DNHD1: variants seen among roughly 807,000 people sequenced by gnomAD.
The protein encoded by DNHD1 is dynein heavy chain domain 1.
A neutral mutation model predicts 458.1 loss-of-function variants in DNHD1; 383 were observed. The observed-to-expected ratio is 0.84, with a 90% CI of 0.77 to 0.91. The LOEUF (loss-of-function observed/expected upper bound fraction) is 0.91. Among genes scored for constraint, DNHD1 ranks in the 40% least tolerant of loss-of-function variants. The probability of loss-of-function intolerance (pLI) is 0.00; values close to 1 mark genes in which losing one functional copy is unlikely to be tolerated. For synonymous variants in DNHD1, 2,203 were observed against 2,376.9 expected, an observed-to-expected ratio of 0.93 and a Z score of 2.13; for missense variants, 5,336 against 5,866.1, an observed-to-expected ratio of 0.91 and a Z score of 2.95.
intron 7 of DNHD1, among the ~76,000 whole-genome samples, chr11:6,516,563 G>A (rs1296973914): frequency 1.3e-5 from 2 of 151,896 alleles, no homozygotes; most frequent in Non-Finnish European, 2.9e-5. Context: ...CTCCCAAAGT[G>A]CTGGGATTAC....
Position 6,563,988 on chromosome 11 carries a change from AGATGGT to A in DNHD1, c.10150_10155del (p.Met3384_Val3385del). On this transcript the variant is annotated inframe_deletion, in exon 31 of 43. Transcript: ENST00000254579. The stretch of plus-strand genomic sequence containing the variant: ...CTGGAGCATAATTTGGCCCTGGCTA[AGATGGT>A]GGAGGATGCCCAAGCTTCCCACAAC... The A allele has an allele frequency of 6.4e-7, 1 of 1,551,772 alleles. No homozygotes were observed.
In DNHD1 at chr11:6,557,893, T is replaced by C. The variant is rs1175026207; in HGVS notation, c.8598T>C (p.His2866=). The change falls in exon 25 of 43, where the codon CAT becomes CAC. Residue 2866 remains histidine (H), a synonymous_variant. Coordinates refer to ENST00000254579, the MANE Select transcript of DNHD1 (RefSeq NM_144666.3). ...TGAGCCCCCACCTGGCCCGGTGTCA[T>C]TCCATGGCCCAGCACGTGGCCCGCC... ...LKLSPHLARC[H]SMAQHVARLV... The C allele has an allele frequency of 1.2e-5, 18 of 1,550,998 alleles. No individual in the cohort carries two copies. The highest frequency in any genetic ancestry group is 2.0e-5 in the Admixed American group (1 of 50,980).
At position 6,529,141 on chromosome 11, in the gene DNHD1, C is replaced by T. The variant is rs1193782586; in HGVS notation, c.2347+20C>T. On this transcript the variant is annotated intron_variant, in intron 12 of 42. Transcript: ENST00000254579. The stretch of plus-strand genomic sequence containing the variant: ...AGATGGGTGAGTACTGCTTCTCTTC[C>T]CTCTCCTCCTTCCCTTTTCTGTATG... 1 of 1,548,978 alleles carries T rather than the reference C, an allele frequency of 6.5e-7. No homozygotes were observed. Among genetic ancestry groups the T allele is most frequent in the South Asian group, 1.2e-5 (1 of 83,936 alleles).
chr11:6,548,873 C>T lies in DNHD1; in HGVS notation c.7327C>T (p.His2443Tyr). 6.4e-7 allele frequency: 1 copy of T among 1,551,726 alleles called. No homozygotes were observed. Among genetic ancestry groups the T allele is most frequent in the Non-Finnish European group, 8.7e-7 (1 of 1,147,002 alleles). ...ACAAGCCAGCCCACAGCCTGGGCAT[C>T]ACCAGGATTCTAAACCCTCCCTCCT... Reference protein sequence around the residue: ...QTQASPQPGHHQDSKPSLLFL... With the variant: ...QTQASPQPGHYQDSKPSLLFL... Residue 2443 changes from histidine to tyrosine, a missense_variant, in exon 24 of 43, where the codon CAC becomes TAC. This residue lies in a region of DNHD1 where 3,932 missense variants were observed against 4,365.6 expected (regional missense o/e 0.90). Coordinates refer to ENST00000254579, the MANE Select transcript of DNHD1 (RefSeq NM_144666.3). This position sits in a 1 kb window ranked among gnomAD's most constrained non-coding sequence, Gnocchi z 4.4.
At chr11:6,566,201 C>T in intron 33 of DNHD1, 40 bp from the exon 34 acceptor site, 2 of 1,545,314 alleles carry the variant, frequency 1.3e-6, no homozygotes, top group Non-Finnish European at 1.7e-6. Context: ...ATCATGGGTG[C>T]TGGCATTGTG....
At chr11:6,544,722 G>A in intron 20 of DNHD1, 51 bp downstream of exon 20, 1 of 1,543,046 alleles carries the variant, frequency 6.5e-7, no homozygotes, top group South Asian at 1.2e-5. Flanking sequence ...CTGAATAGCA[G>A]GGCTCAGCGT....
chr11:6,519,628 A>G lies in DNHD1; in HGVS notation c.1421A>G (p.Gln474Arg), dbSNP rs563994391. 7 of 1,614,192 alleles carry G rather than the reference A, an allele frequency of 4.3e-6. No homozygotes were observed. The African/African-American group carries it at 9.3e-5, about 22-fold the overall frequency. The change falls in exon 8 of 43, where the codon CAG becomes CGG. Residue 474 changes from glutamine (Q) to arginine (R), a missense_variant. By Grantham distance (43) the Gln-to-Arg change is conservative (BLOSUM62 1). Around this residue, in one of 4 missense-constraint regions of DNHD1, gnomAD observed 3,932 missense variants for 4,365.6 expected, o/e 0.90. Transcript: ENST00000254579. ...CACGAGGACACATACCACATGCAAC[A>G]GTGCCTACAGGAGCGAGTACAAAAC... Reference protein sequence around the residue: ...LVHEDTYHMQQCLQERVQNCD... With the variant: ...LVHEDTYHMQRCLQERVQNCD...
Position 6,546,407 on chromosome 11 carries a change from G to C in DNHD1, c.5468G>C (p.Arg1823Pro), listed in dbSNP as rs762942301. The C allele has an allele frequency of 5.2e-6, 8 of 1,551,900 alleles. No individual in the cohort carries two copies. Among genetic ancestry groups the C allele is most frequent in the Non-Finnish European group, 7.0e-6 (8 of 1,147,084 alleles). ...CCTGCCAACCTGCACCTGCTGCTGCGGCCTGTGGCATTGGCATTGCCTGAT... is the reference window on the plus strand; with the variant it reads ...CCTGCCAACCTGCACCTGCTGCTGCCGCCTGTGGCATTGGCATTGCCTGAT... Reference protein sequence around the residue: ...AVPANLHLLLRPVALALPDLR... With the variant: ...AVPANLHLLLPPVALALPDLR... The change falls in exon 21 of 43, where the codon CGG becomes CCG. Residue 1823 changes from arginine to proline, a missense_variant. Around this residue, in one of 4 missense-constraint regions of DNHD1, gnomAD observed 3,932 missense variants for 4,365.6 expected, o/e 0.90. Coordinates refer to ENST00000254579, the MANE Select transcript of DNHD1 (RefSeq NM_144666.3).
chr11:6,523,009 T>C (rs935195870), intron 10 of DNHD1, among the ~76,000 whole-genome samples: 1 of 152,240 alleles, frequency 6.6e-6, no homozygotes, highest in African/African-American at 2.4e-5. Flanking sequence ...TCGGAAGTTT[T>C]CTGCAGTTCA....
chr11:6,570,503 A>G, intron 41 of DNHD1, 107 bp downstream of exon 41: 1 of 1,480,452 alleles, frequency 6.8e-7, no homozygotes. Flanking sequence ...TGAGGGGGTA[A>G]TATTCATACT....
At chr11:6,567,927 T>C (rs999806402) in intron 36 of DNHD1, 67 bp downstream of exon 36, 94 of 1,490,506 alleles carry the variant, frequency 6.3e-5, no homozygotes, top group Non-Finnish European at 8.3e-5. Context: ...GGGGACCCCC[T>C]CCAAGCATTT....
Position 6,558,278 on chromosome 11 carries a change from A to G in DNHD1, c.8983A>G (p.Lys2995Glu). Residue 2995 changes from lysine to glutamate, a missense_variant, in exon 25 of 43, where the codon AAG becomes GAG. Coordinates refer to ENST00000254579, the MANE Select transcript of DNHD1 (RefSeq NM_144666.3). Reference sequence around the variant, plus strand: ...CCTTGGTGTCAAACAGAACATCAAGAAGGAAATGGTGTTGCAGAGGTGAGG... The same window carrying G: ...CCTTGGTGTCAAACAGAACATCAAGGAGGAAATGGTGTTGCAGAGGTGAGG... The part of the protein sequence containing the change: ...ENLGVKQNIK[K>E]EMVLQRFHQQ... 2 of 1,551,374 alleles carry G rather than the reference A, an allele frequency of 1.3e-6. No individual in the cohort carries two copies. Among genetic ancestry groups the G allele is most frequent in the Non-Finnish European group, 1.7e-6 (2 of 1,146,844 alleles).
rs1479246350 is a variant in DNHD1 at position 6,528,985 on chromosome 11, T to C, written c.2211T>C (p.Gly737=). 6.4e-7 allele frequency: 1 copy of C among 1,551,568 alleles called. No homozygotes were observed. ...WGPQKLEDMR[G]GPIKNYVTLV... is the part of the protein sequence containing the mutation. ...CTCAGAAGCTGGAAGACATGAGAGGTGGTCCCATCAAGAACTACGTGACGC... is the reference window on the plus strand; with the variant it reads ...CTCAGAAGCTGGAAGACATGAGAGGCGGTCCCATCAAGAACTACGTGACGC... The change falls in exon 12 of 43, where the codon GGT becomes GGC. Residue 737 remains glycine, a synonymous_variant. Transcript: ENST00000254579.
rs536017672 is a variant in DNHD1 at position 6,515,825 on chromosome 11, C to T, written c.1393-3775C>T. On this transcript the variant is annotated intron_variant, in intron 7 of 42. Transcript: ENST00000254579. ...TTTGAGTCAGGGACTCACTCTGTCACCCAGGCTGGAGTGCAGTGGCATGAT... is the reference window on the plus strand; with the variant it reads ...TTTGAGTCAGGGACTCACTCTGTCATCCAGGCTGGAGTGCAGTGGCATGAT... Among the ~76,000 whole-genome samples, 174 of 147,568 alleles carry T rather than the reference C, an allele frequency of 1.2e-3. 1 individual carries two copies. Among genetic ancestry groups the T allele is most frequent in the African/African-American group, 4.2e-3 (165 of 39,468 alleles).
chr11:6,561,532 A>G (rs1445180282), intron 28 of DNHD1, among the ~76,000 whole-genome samples: 1 of 152,236 alleles, frequency 6.6e-6, no homozygotes, highest in African/African-American at 2.4e-5. Flanking sequence ...AGAAGATAAG[A>G]AGATATAGAC....
Position 6,556,631 on chromosome 11 carries a change from A to G in DNHD1, c.7388-52A>G, listed in dbSNP as rs941472190. 5.7e-5 allele frequency: 83 copies of G among 1,465,686 alleles called. No homozygotes were observed. In the African/African-American group the frequency reaches 8.7e-4, roughly 15 times the overall value. 90.8% of individuals were successfully genotyped at this position (1,465,686 alleles called of 1,614,324 possible). On this transcript the variant is annotated intron_variant, in intron 24 of 42. Coordinates refer to ENST00000254579, the MANE Select transcript of DNHD1 (RefSeq NM_144666.3). ...GCAGGAATAGAGGGAACAGGTTGAT[A>G]CTCTCATGTGGACTTTTACATGTCC...
intron 3 of DNHD1, among the ~76,000 whole-genome samples, chr11:6,499,984 A>G (rs1430857450): frequency 6.9e-6 from 1 of 144,902 alleles, no homozygotes; most frequent in Non-Finnish European, 1.5e-5. Flanking sequence ...TTTTTTTCTG[A>G]AACAGAGTCT....
rs1853505290 is a variant in DNHD1, at chr11:6,557,975, G to T, written c.8680G>T (p.Gly2894Cys). 1 of 1,551,550 alleles carries T rather than the reference G, an allele frequency of 6.4e-7. No individual in the cohort carries two copies. Among genetic ancestry groups the T allele is most frequent in the Non-Finnish European group, 8.7e-7 (1 of 1,147,006 alleles). The change falls in exon 25 of 43, where the codon GGT becomes TGT. Residue 2894 changes from glycine (G) to cysteine (C), a missense_variant. Coordinates refer to ENST00000254579, the MANE Select transcript of DNHD1 (RefSeq NM_144666.3). ...TGGCCTGCTGCTCTCGGGGGCTCTG[G>T]GTACTGGGCGCCACACTGCCATCAC... ...QHGLLLSGAL[G>C]TGRHTAITLA...
intron 11 of DNHD1, 30 bp from the exon 12 acceptor site, chr11:6,528,848 C>T: frequency 6.4e-7 from 1 of 1,550,890 alleles, no homozygotes; most frequent in Non-Finnish European, 8.7e-7. Context: ...AGCCGCATGC[C>T]TCTGCCCTAA....
Sources: gnomAD v4.1 joint callset for allele counts (sites outside exome capture counted in the v4.1 genomes callset) on GRCh38, gnomAD v4.1.1 for gene constraint, gnomAD v4.1.1 regional missense constraint, Gnocchi (gnomAD v3.1) non-coding constraint, MANE v1.5 for transcripts, NCBI Gene and HGNC (gene_info 2026-07-23, HGNC 2026-07-21) for gene names.